SLC9A7: variants seen among roughly 807,000 people sequenced by gnomAD.
SLC9A7 encodes solute carrier family 9 member A7.
A neutral mutation model predicts 52.6 loss-of-function variants in SLC9A7; 19 were observed. That is an observed-to-expected ratio of 0.36 (90% CI 0.25 to 0.53). The LOEUF (loss-of-function observed/expected upper bound fraction) is 0.53. Among genes scored for constraint, SLC9A7 ranks in the 20% least tolerant of loss-of-function variants. The pLI, the probability that SLC9A7 is intolerant of heterozygous loss-of-function variation, is 0.91. For synonymous variants in SLC9A7, 226 were observed against 252.1 expected (o/e 0.90, Z 0.98); for missense variants, 455 against 597.9 (o/e 0.76, Z 2.49).
At chrX:46,730,248 A>C (rs1363003634) in intron 1 of SLC9A7, among the ~76,000 whole-genome samples, 1 of 111,514 alleles carries the variant, frequency 9.0e-6, no homozygotes, top group African/African-American at 3.3e-5. Flanking sequence ...ATCACTTGAA[A>C]ATTTTCAGAA....
intron 1 of SLC9A7, among the ~76,000 whole-genome samples, chrX:46,692,848 C>T (rs752596489): frequency 9.0e-6 from 1 of 110,908 alleles, no homozygotes; most frequent in Non-Finnish European, 1.9e-5. Context: ...AGCAGGACAA[C>T]ACTGGCTCTC....
In SLC9A7 at chrX:46,750,072, C is replaced by T. The variant is rs192270679; in HGVS notation, c.325+8633G>A. On this transcript the variant is annotated intron_variant, in intron 1 of 16. Coordinates refer to ENST00000616978, the MANE Select transcript of SLC9A7 (RefSeq NM_001257291.2). Reference sequence around the variant, plus strand: ...CTCCAGCCTGGGGGACAGAGCAAGACTCTGTCTCAAAAAGAAAAAAGAAAA... The same window carrying T: ...CTCCAGCCTGGGGGACAGAGCAAGATTCTGTCTCAAAAAGAAAAAAGAAAA... 7.3e-3 allele frequency among the ~76,000 whole-genome samples: 794 copies of T among 109,460 alleles called. 2 individuals carry two copies. Among genetic ancestry groups the T allele is most frequent in the Non-Finnish European group, 0.013 (658 of 52,534 alleles).
At chrX:46,655,341 T>C in intron 7 of SLC9A7, among the ~76,000 whole-genome samples, 1 of 111,937 alleles carries the variant, frequency 8.9e-6, no homozygotes, top group East Asian at 2.8e-4. Context: ...ATCTCATTAA[T>C]TATTTTTATC....
intron 1 of SLC9A7, among the ~76,000 whole-genome samples, chrX:46,684,559 G>A (rs929833621): frequency 2.7e-5 from 3 of 112,145 alleles, no homozygotes; most frequent in Non-Finnish European, 5.6e-5. Flanking sequence ...ACCAAAAAGA[G>A]ATGTCTGTAG....
chrX:46,722,735 T>C (rs1468820491), intron 1 of SLC9A7, among the ~76,000 whole-genome samples: 1 of 111,909 alleles, frequency 8.9e-6, no homozygotes, highest in Non-Finnish European at 1.9e-5. Context: ...CACACTGGGA[T>C]TGCAATTTAT....
intron 1 of SLC9A7, among the ~76,000 whole-genome samples, chrX:46,724,652 A>G (rs55705995): frequency 9.0e-6 from 1 of 111,670 alleles, no homozygotes; most frequent in Non-Finnish European, 1.9e-5. Flanking sequence ...CTCCATTCCA[A>G]TATTGGACAC....
chrX:46,696,039 A>G (rs770812245), intron 1 of SLC9A7, among the ~76,000 whole-genome samples: 3 of 110,583 alleles, frequency 2.7e-5, no homozygotes, highest in African/African-American at 9.9e-5. Flanking sequence ...AAGCTGGAGT[A>G]CAGTGGCGCA....
intron 1 of SLC9A7, among the ~76,000 whole-genome samples, chrX:46,732,710 T>C (rs1945063230): frequency 8.9e-6 from 1 of 111,952 alleles, no homozygotes; most frequent in Non-Finnish European, 1.9e-5. Flanking sequence ...GCATATACCT[T>C]TTAATCTAAC....
intron 1 of SLC9A7, among the ~76,000 whole-genome samples, chrX:46,740,863 C>G (rs1289177778): frequency 2.9e-5 from 3 of 103,296 alleles, no homozygotes; most frequent in African/African-American, 1.1e-4. Flanking sequence ...TAAAACTGTC[C>G]TTATTCACAG....
chrX:46,615,406 T>G (rs1172111022), intron 15 of SLC9A7, among the ~76,000 whole-genome samples: 1 of 111,108 alleles, frequency 9.0e-6, no homozygotes, highest in African/African-American at 3.3e-5. Flanking sequence ...CAGGGAGAGA[T>G]GCAGACCAGG....
At chrX:46,646,863 G>A in intron 11 of SLC9A7, 1 of 329,335 alleles carries the variant, frequency 3.0e-6, no homozygotes, top group Non-Finnish European at 5.9e-6. Context: ...GCAGAGCTCT[G>A]GCAGAAGTGT....
intron 1 of SLC9A7, among the ~76,000 whole-genome samples, chrX:46,693,025 T>G (rs1944402279): frequency 9.0e-6 from 1 of 111,508 alleles, no homozygotes; most frequent in African/African-American, 3.3e-5. Context: ...AAATACTCGT[T>G]CTGTGAAAAA....
chrX:46,692,468 C>T (rs1944393572), intron 1 of SLC9A7, among the ~76,000 whole-genome samples: 1 of 111,313 alleles, frequency 9.0e-6, no homozygotes, highest in African/African-American at 3.3e-5. Flanking sequence ...AGTTGCCCCA[C>T]ACTCATTTTA....
intron 1 of SLC9A7, among the ~76,000 whole-genome samples, chrX:46,702,616 G>A (rs1259249821): frequency 8.9e-6 from 1 of 111,911 alleles, no homozygotes; most frequent in African/African-American, 3.3e-5. Flanking sequence ...ACGTAATCTT[G>A]TTCTTTTTTA....
intron 1 of SLC9A7, among the ~76,000 whole-genome samples, chrX:46,737,691 T>A (rs1009957570): frequency 3.6e-5 from 4 of 111,366 alleles, no homozygotes; most frequent in Non-Finnish European, 7.5e-5. Context: ...TTACAATGCA[T>A]TAGGTAATAA....
chrX:46,723,403 C>T (rs1406389884), intron 1 of SLC9A7, among the ~76,000 whole-genome samples: 1 of 109,177 alleles, frequency 9.2e-6, no homozygotes. Context: ...CTGAGTCAGC[C>T]CCAAATGCAC....
At chrX:46,665,481 G>T (rs1943900909) in intron 5 of SLC9A7, among the ~76,000 whole-genome samples, 1 of 99,698 alleles carries the variant, frequency 1.0e-5, no homozygotes, top group African/African-American at 3.8e-5. Flanking sequence ...TAGAAAGAGT[G>T]ACTAGGCAGG....
chrX:46,713,277 A>T (rs976201343), intron 1 of SLC9A7, among the ~76,000 whole-genome samples: 1 of 110,347 alleles, frequency 9.1e-6, no homozygotes, highest in Non-Finnish European at 1.9e-5. Context: ...AGGCGGGTGG[A>T]TCATCTGAGC....
chrX:46,654,220 T>C (rs1322208261), intron 7 of SLC9A7, among the ~76,000 whole-genome samples: 1 of 110,367 alleles, frequency 9.1e-6, no homozygotes, highest in Non-Finnish European at 1.9e-5. Context: ...TGAAACCCTG[T>C]CTCTACTAAA....
Sources: allele counts gnomAD v4.1 joint callset (sites outside exome capture counted in the v4.1 genomes callset), GRCh38; gene constraint gnomAD v4.1.1; transcripts MANE v1.5; gene names NCBI Gene and HGNC (gene_info 2026-07-23, HGNC 2026-07-21).